UBL7: variants seen among roughly 807,000 people sequenced by gnomAD.
UBL7 encodes the protein ubiquitin-like protein 7.
In UBL7, 21 loss-of-function variants were observed where a neutral mutation model predicts 41.7. That is an observed-to-expected ratio of 0.50 (90% confidence interval 0.36 to 0.73). UBL7 has a LOEUF of 0.73. UBL7 is among the 30% of genes least tolerant of loss of function. UBL7 has a pLI of 0.00. For missense variants in UBL7, 403 were observed against 478.4 expected, an observed-to-expected ratio of 0.84 and a Z score of 1.47; for synonymous variants, 157 against 186.9, an observed-to-expected ratio of 0.84 and a Z score of 1.31.
intron 1 of UBL7, among the ~76,000 whole-genome samples, chr15:74,459,693 C>T (rs141255830): frequency 6.6e-6 from 1 of 151,900 alleles, no homozygotes; most frequent in East Asian, 2.0e-4. Flanking sequence ...GGGCTGGGCG[C>T]GGTGGCTCAT....
At position 74,446,073 on chromosome 15, in the gene UBL7, C is replaced by G; in HGVS notation, c.*17G>C. ...TAGCCTCTGCAACTTGCTGGGGGTTCAGGGGAAGCAGGGAGTTCATGGGGC... is the reference window on the plus strand; with the variant it reads ...TAGCCTCTGCAACTTGCTGGGGGTTGAGGGGAAGCAGGGAGTTCATGGGGC... On this transcript the variant is annotated 3_prime_UTR_variant, in exon 11 of 11. Transcript: ENST00000395081. The surrounding 1 kb of genome is among the most constrained non-coding windows in gnomAD (Gnocchi z 4.1). 1 of 1,612,562 alleles carries G rather than the reference C, an allele frequency of 6.2e-7. No individual in the cohort carries two copies. The highest frequency in any genetic ancestry group is 2.2e-5 in the East Asian group (1 of 44,862).
intron 5 of UBL7, 100 bp from the exon 6 acceptor site, chr15:74,450,959 A>G: frequency 4.9e-6 from 6 of 1,219,242 alleles, no homozygotes; most frequent in Non-Finnish European, 6.0e-6. Context: ...ACAGGGACAC[A>G]GGACAACAAG....
intron 1 of UBL7, among the ~76,000 whole-genome samples, chr15:74,460,352 T>C (rs2061337056): frequency 6.6e-6 from 1 of 150,598 alleles, no homozygotes; most frequent in Non-Finnish European, 1.5e-5. Flanking sequence ...GCCAGCCTCA[T>C]TCCCCAACAG....
chr15:74,451,312 T>C lies in UBL7; in HGVS notation c.472+124A>G, dbSNP rs1042009316. Reference sequence around the variant, plus strand: ...GATATCAAACACACCTTGATTACTCTCCCTCTTCCCACAAGACCAGTCATT... The same window carrying C: ...GATATCAAACACACCTTGATTACTCCCCCTCTTCCCACAAGACCAGTCATT... On this transcript the variant is annotated intron_variant, in intron 5 of 10. Coordinates refer to ENST00000395081, the MANE Select transcript of UBL7 (RefSeq NM_032907.5). The C allele has an allele frequency of 5.8e-6, 5 of 861,608 alleles. No individual in the cohort carries two copies. The African/African-American group carries it at 6.7e-5, about 12-fold the overall frequency. The allele number at this position is 861,608 out of a possible 1,614,324, so 53.4% of individuals were successfully genotyped here.
intron 1 of UBL7, among the ~76,000 whole-genome samples, chr15:74,459,350 G>A (rs2061325041): frequency 6.6e-6 from 1 of 150,924 alleles, no homozygotes; most frequent in Non-Finnish European, 1.5e-5. Context: ...GCCCAGGCTG[G>A]AGTGCAGCGG....
intron 1 of UBL7, chr15:74,459,110 T>A (rs1426322214): frequency 5.9e-6 from 3 of 511,014 alleles, no homozygotes; most frequent in Non-Finnish European, 1.1e-5. Context: ...ATCCCTAACG[T>A]GGACATAAAA....
In UBL7 at chr15:74,449,641, C is replaced by T; in HGVS notation, c.699G>A (p.Glu233=). Residue 233 remains glutamate, a synonymous_variant, in exon 8 of 11, where the codon GAG becomes GAA. Coordinates refer to ENST00000395081, the MANE Select transcript of UBL7 (RefSeq NM_032907.5). The stretch of plus-strand genomic sequence containing the variant: ...GGCCACTTACTGGGTGAAAGTCATC[C>T]TCATCATCTGAGAGCCCTTCAAACA... The part of the protein sequence containing the change: ...GFLFEGLSDD[E]DDFHPNTRST... The T allele has an allele frequency of 6.2e-7, 1 of 1,614,162 alleles. No homozygotes were observed. The highest frequency in any genetic ancestry group is 2.2e-5 in the East Asian group (1 of 44,888).
At chr15:74,455,618 A>G (rs1440053418) in intron 3 of UBL7, among the ~76,000 whole-genome samples, 2 of 152,232 alleles carry the variant, frequency 1.3e-5, no homozygotes, top group Non-Finnish European at 2.9e-5. Flanking sequence ...TTTACTTTGT[A>G]TCACTAAAAA....
intron 3 of UBL7, among the ~76,000 whole-genome samples, chr15:74,455,999 C>T (rs2061290279): frequency 6.6e-6 from 1 of 152,010 alleles, no homozygotes; most frequent in Admixed American, 6.6e-5. Flanking sequence ...TGGTGGTGGG[C>T]GCCTGTAGTC....
chr15:74,454,386 G>C (rs2061275710), intron 3 of UBL7, among the ~76,000 whole-genome samples: 1 of 151,912 alleles, frequency 6.6e-6, no homozygotes, highest in African/African-American at 2.4e-5. Flanking sequence ...GTCTCAGTAA[G>C]AGGATATTAG....
intron 2 of UBL7, 150 bp downstream of exon 2, chr15:74,458,534 T>C (rs2061314748): frequency 4.5e-6 from 3 of 669,610 alleles, no homozygotes; most frequent in Non-Finnish European, 5.1e-6. Context: ...ATATGATTTG[T>C]GTTTCTATTT....
chr15:74,452,230 C>A lies in UBL7; in HGVS notation c.387+66G>T, dbSNP rs1567089444. Reference sequence around the variant, plus strand: ...ACGGGCTTCCAGCTCCCACTCCACACCACTCGCCAGCCAGCGTTCACACCC... The same window carrying A: ...ACGGGCTTCCAGCTCCCACTCCACAACACTCGCCAGCCAGCGTTCACACCC... On this transcript the variant is annotated intron_variant, in intron 4 of 10. Transcript: ENST00000395081. The A allele has an allele frequency of 4.0e-6, 6 of 1,505,376 alleles. No homozygotes were observed. In the East Asian group the frequency reaches 1.5e-4, roughly 38 times the overall value. The allele number at this position is 1,505,376 out of a possible 1,614,324, so 93.3% of individuals were successfully genotyped here.
chr15:74,457,416 G>T (rs151172672), intron 2 of UBL7, among the ~76,000 whole-genome samples: 1 of 152,106 alleles, frequency 6.6e-6, no homozygotes. Context: ...GGTGGCAGAC[G>T]CCTGTAATCC....
rs2061346496 is a variant in UBL7 at position 74,461,150 on chromosome 15, ACACT to A, written c.-147_-144del. ...CCCGGCCGCACTGCCGCCGGTGTAA[ACACT>A]CACTCTGGCCCTCTCGCCGGAAACC... is the stretch of plus-strand genomic sequence containing the variant. On this transcript the variant is annotated 5_prime_UTR_variant, in exon 1 of 11. Transcript: ENST00000395081. 1 of 996,134 alleles carries A rather than the reference ACACT, an allele frequency of 1.0e-6. No individual in the cohort carries two copies. Among genetic ancestry groups the A allele is most frequent in the East Asian group, 1.1e-4 (1 of 9,050 alleles). The allele number at this position is 996,134 out of a possible 1,614,324, so 61.7% of individuals were successfully genotyped here.
chr15:74,446,665 T>A lies in UBL7; in HGVS notation c.1006-438A>T, dbSNP rs1343646208. On this transcript the variant is annotated intron_variant, in intron 10 of 10. Transcript: ENST00000395081. This position sits in a 1 kb window ranked among gnomAD's most constrained non-coding sequence, Gnocchi z 4.1. ...CCACGCAGAAATTTTCACCTTTTTT[T>A]AAATGTCTTAAATTTTTGTGGTATA... Among the ~76,000 whole-genome samples, 12 of 152,374 alleles carry A rather than the reference T, an allele frequency of 7.9e-5. No homozygotes were observed. In the East Asian group the frequency reaches 2.1e-3, roughly 27 times the overall value.
intron 1 of UBL7, chr15:74,460,642 A>G (rs779693215): frequency 8.0e-7 from 1 of 1,251,040 alleles, no homozygotes. Context: ...AAAAGACTAA[A>G]GTTTTCTTCA....
Position 74,461,143 on chromosome 15 carries a change from G to A in UBL7, c.-136C>T, listed in dbSNP as rs1459952926. On this transcript the variant is annotated 5_prime_UTR_variant, in exon 1 of 11. Transcript: ENST00000395081. ...GAAGGAACCCGGCCGCACTGCCGCC[G>A]GTGTAAACACTCACTCTGGCCCTCT... 3 of 997,694 alleles carry A rather than the reference G, an allele frequency of 3.0e-6. No homozygotes were observed. The highest frequency in any genetic ancestry group is 8.2e-5 in the South Asian group (2 of 24,330). The allele number at this position is 997,694 out of a possible 1,614,324, so 61.8% of individuals were successfully genotyped here.
At chr15:74,450,433 G>T (rs991877435) in intron 6 of UBL7, among the ~76,000 whole-genome samples, 2 of 152,120 alleles carry the variant, frequency 1.3e-5, no homozygotes, top group African/African-American at 4.8e-5. Context: ...TTCCCAGGGT[G>T]GGGCTGTTTT....
chr15:74,458,871 C>T lies in UBL7; in HGVS notation c.-4G>A, dbSNP rs2061319687. On this transcript the variant is annotated 5_prime_UTR_variant, in exon 2 of 11. Transcript: ENST00000395081. ...GGTGCCAGTCTGAGAGAGACATCCT[C>T]TCTCTTTCGCGCTCTCTCTTTCTCC... 1.9e-6 allele frequency: 3 copies of T among 1,608,622 alleles called. No individual in the cohort carries two copies. The highest frequency in any genetic ancestry group is 1.3e-5 in the African/African-American group (1 of 74,942).
Sources: gnomAD v4.1 joint callset for allele counts (sites outside exome capture counted in the v4.1 genomes callset) on GRCh38, gnomAD v4.1.1 for gene constraint, Gnocchi (gnomAD v3.1) non-coding constraint, MANE v1.5 for transcripts, NCBI Gene and HGNC (gene_info 2026-07-23, HGNC 2026-07-21) for gene names.